The following STXBP3 variants were observed in gnomAD, a reference collection of about 807,000 sequenced individuals.
STXBP3 encodes syntaxin binding protein 3.
In STXBP3, 41 loss-of-function variants were observed where a neutral mutation model predicts 85.7. That is an observed-to-expected ratio of 0.48 (90% CI 0.37 to 0.62). The LOEUF is 0.62. Ranked by LOEUF, STXBP3 falls within the 20% of genes least tolerant of loss-of-function variation. STXBP3 has a pLI of 0.00. For missense variants in STXBP3, 563 were observed against 703.1 expected, an observed-to-expected ratio of 0.80 and a Z score of 2.25; for synonymous variants, 229 against 231.7, an observed-to-expected ratio of 0.99 and a Z score of 0.10.
At chr1:108,807,063 C>T (rs1404062349) in intron 17 of STXBP3, among the ~76,000 whole-genome samples, 1 of 152,026 alleles carries the variant, frequency 6.6e-6, no homozygotes, top group East Asian at 1.9e-4. Context: ...ACCAGCGTGG[C>T]CAACATGGTG....
intron 17 of STXBP3, among the ~76,000 whole-genome samples, chr1:108,802,180 T>A (rs1011831857): frequency 6.6e-6 from 1 of 152,024 alleles, no homozygotes; most frequent in Admixed American, 6.5e-5. Flanking sequence ...GCAGATCACT[T>A]GAGGTCAGGA....
Position 108,782,404 on chromosome 1 carries a change from G to A in STXBP3, c.810-18G>A. The A allele has an allele frequency of 6.4e-7, 1 of 1,559,256 alleles. No individual in the cohort carries two copies. The highest frequency in any genetic ancestry group is 1.4e-5 in the African/African-American group (1 of 72,752). On this transcript the variant is annotated intron_variant, in intron 9 of 18. Transcript: ENST00000370008. ...GGGAAAAAAATCAAAAAGTTTTAGT[G>A]CTTCTGTCTACTTGTAGATATAAAA...
At position 108,764,251 on chromosome 1, in the gene STXBP3, C is replaced by CAT. The variant is rs201101626; in HGVS notation, c.438+4176_438+4177dup. On this transcript the variant is annotated intron_variant, in intron 6 of 18. Coordinates refer to ENST00000370008, the MANE Select transcript of STXBP3 (RefSeq NM_007269.4). ...TATGGCTGCTTAGTATTCTATGGTA[C>CAT]ATATATATATAGAGAGAGATACCAC... is the stretch of plus-strand genomic sequence containing the variant. 5.9e-3 allele frequency among the ~76,000 whole-genome samples: 890 copies of CAT among 152,110 alleles called. 4 individuals are homozygous for CAT. The highest frequency in any genetic ancestry group is 0.011 in the Admixed American group (162 of 15,272).
In STXBP3 at chr1:108,782,472, A is replaced by T; in HGVS notation, c.860A>T (p.Asp287Val). The change falls in exon 10 of 19, where the codon GAC becomes GTC. Residue 287 changes from aspartate (D) to valine (V), a missense_variant. By Grantham distance (152) the Asp-to-Val change is radical. Transcript: ENST00000370008. Reference sequence around the variant, plus strand: ...GAGGCCATCCTTGAAGAAGAAGATGACCTCTGGGTTAGAATTCGACATCGA... The same window carrying T: ...GAGGCCATCCTTGAAGAAGAAGATGTCCTCTGGGTTAGAATTCGACATCGA... ...EKEAILEEED[D>V]LWVRIRHRHI... The T allele has an allele frequency of 6.2e-7, 1 of 1,613,790 alleles. No individual in the cohort carries two copies. The highest frequency in any genetic ancestry group is 8.5e-7 in the Non-Finnish European group (1 of 1,179,870).
At chr1:108,780,998 C>T (rs12131095) in intron 9 of STXBP3, 57,583 of 151,684 alleles carry the variant, frequency 0.38, 11,343 homozygotes, top group Middle Eastern at 0.48. Flanking sequence ...GAACTCCTGG[C>T]CTCACATGAT....
chr1:108,762,780 G>A (rs1316589390), intron 6 of STXBP3, among the ~76,000 whole-genome samples: 2 of 152,144 alleles, frequency 1.3e-5, no homozygotes, highest in Non-Finnish European at 2.9e-5. Flanking sequence ...TATAATGAAT[G>A]TGACACTGCT....
Position 108,777,754 on chromosome 1 carries a change from A to G in STXBP3, c.684+1331A>G, listed in dbSNP as rs529876346. Reference sequence around the variant, plus strand: ...TTATTCAGGGACACCTGATAAAGTGATAAAGTGTCACCTTATTTTTGAAGC... The same window carrying G: ...TTATTCAGGGACACCTGATAAAGTGGTAAAGTGTCACCTTATTTTTGAAGC... On this transcript the variant is annotated intron_variant, in intron 8 of 18. Coordinates refer to ENST00000370008, the MANE Select transcript of STXBP3 (RefSeq NM_007269.4). 3.9e-5 allele frequency among the ~76,000 whole-genome samples: 6 copies of G among 152,308 alleles called. 1 individual carries two copies. The South Asian group carries it at 6.2e-4, about 16-fold the overall frequency.
chr1:108,766,946 T>G, intron 6 of STXBP3: 3 of 535,012 alleles, frequency 5.6e-6, no homozygotes, highest in South Asian at 2.8e-5. Context: ...GTGGCACTAT[T>G]CCAATTTTAT....
intron 3 of STXBP3, among the ~76,000 whole-genome samples, chr1:108,754,218 T>G (rs1174287434): frequency 6.6e-6 from 1 of 151,992 alleles, no homozygotes; most frequent in African/African-American, 2.4e-5. Context: ...TTTTCTTGGA[T>G]AGAAACAGGG....
Position 108,782,437 on chromosome 1 carries a change from A to T in STXBP3, c.825A>T (p.Gly275=). Residue 275 remains glycine, a synonymous_variant, in exon 10 of 19, where the codon GGA becomes GGT. Transcript: ENST00000370008. The stretch of plus-strand genomic sequence containing the variant: ...CTACTTGTAGATATAAAACAGATGG[A>T]AAAGAAAAGGAGGCCATCCTTGAAG... ...ENDTYKYKTD[G]KEKEAILEEE... 1 of 1,612,892 alleles carries T rather than the reference A, an allele frequency of 6.2e-7. No homozygotes were observed. The highest frequency in any genetic ancestry group is 8.5e-7 in the Non-Finnish European group (1 of 1,179,560).
Position 108,770,378 on chromosome 1 carries a change from C to T in STXBP3, c.439-2287C>T, listed in dbSNP as rs140918818. Among the ~76,000 whole-genome samples, 676 of 152,196 alleles carry T rather than the reference C, an allele frequency of 4.4e-3. 16 individuals carry two copies. The highest frequency in any genetic ancestry group is 0.037 in the Admixed American group (569 of 15,278). On this transcript the variant is annotated intron_variant, in intron 6 of 18. Transcript: ENST00000370008. ...GTGGGAGGGAGAAGCCTTGGGCGGC[C>T]GTGCGATAAATGTTTTTAATCGAAT...
intron 8 of STXBP3, 43 bp downstream of exon 8, chr1:108,776,466 C>T: frequency 6.9e-7 from 1 of 1,449,182 alleles, no homozygotes; most frequent in Non-Finnish European, 9.4e-7. Flanking sequence ...TAAAGTCTGT[C>T]TTATTTCTTT....
chr1:108,753,080 A>C lies in STXBP3; in HGVS notation c.117A>C (p.Glu39Asp), dbSNP rs1025932626. ...GTTTTAAGATAATGCTTTTAGATGA[A>C]TTTACCACTAAGCTTTTGGCATCGT... ...EGEWKIMLLDEFTTKLLASCC... is the reference protein window; with the variant it reads ...EGEWKIMLLDDFTTKLLASCC... The change falls in exon 3 of 19, where the codon GAA (glutamate) becomes GAC (aspartate). Residue 39 changes from glutamate (E) to aspartate (D), a missense_variant. By Grantham distance (45) the Glu-to-Asp change is conservative. This residue lies in a region of STXBP3 where 32 missense variants were observed against 70.6 expected (regional missense o/e 0.45). Transcript: ENST00000370008. 21 of 1,581,120 alleles carry C rather than the reference A, an allele frequency of 1.3e-5. No homozygotes were observed. The highest frequency in any genetic ancestry group is 1.9e-5 in the Admixed American group (1 of 53,688).
chr1:108,753,148 AGT>A lies in STXBP3; in HGVS notation c.181+7_181+8del. On this transcript the variant is annotated splice_donor_5th_base_variant and intron_variant, in intron 3 of 18. Coordinates refer to ENST00000370008, the MANE Select transcript of STXBP3 (RefSeq NM_007269.4). ...CTTCTAGAAGAAGGTATTACTGGTA[AGT>A]GTTATTCTTGGCATGAACACTTTTT... 1 of 1,554,068 alleles carries A rather than the reference AGT, an allele frequency of 6.4e-7. No homozygotes were observed. Among genetic ancestry groups the A allele is most frequent in the South Asian group, 1.2e-5 (1 of 80,830 alleles).
chr1:108,752,361 A>G, intron 2 of STXBP3, 55 bp downstream of exon 2: 3 of 1,519,768 alleles, frequency 2.0e-6, no homozygotes, highest in Admixed American at 1.8e-5. Flanking sequence ...TAAAAACAAT[A>G]CAGTATAAAA....
intron 6 of STXBP3, among the ~76,000 whole-genome samples, chr1:108,765,570 A>ATTTTTTTTTTTTTTT (rs35813823): frequency 1.5e-5 from 1 of 67,168 alleles, no homozygotes; most frequent in Non-Finnish European, 3.1e-5. Context: ...CCACATGCTA[A>ATTTTTTTTTTTTTTT]TTTTTTTTTT....
Position 108,760,032 on chromosome 1 carries a change from T to G in STXBP3, c.385T>G (p.Ser129Ala), listed in dbSNP as rs569967760. The change falls in exon 6 of 19, where the codon TCA (serine) becomes GCA (alanine). Residue 129 changes from serine to alanine, a missense_variant. Ser to Ala is a moderately conservative substitution (Grantham distance 99). This residue lies in a region of STXBP3 where 494 missense variants were observed against 592.8 expected (regional missense o/e 0.83). Transcript: ENST00000370008. ...FNKIKASCSKSIRRCKEINIS... is the reference protein window; with the variant it reads ...FNKIKASCSKAIRRCKEINIS... The stretch of plus-strand genomic sequence containing the variant: ...CAAAATTAAGGCTTCTTGCTCCAAG[T>G]CAATAAGAAGATGTAAAGAAATAAA... The G allele has an allele frequency of 6.3e-7, 1 of 1,576,680 alleles. No homozygotes were observed. Among genetic ancestry groups the G allele is most frequent in the South Asian group, 1.2e-5 (1 of 83,084 alleles).
intron 17 of STXBP3, among the ~76,000 whole-genome samples, chr1:108,806,767 A>G (rs2101140700): frequency 6.6e-6 from 1 of 151,970 alleles, no homozygotes; most frequent in East Asian, 1.9e-4. Context: ...ATTTTTTTTT[A>G]ATTTCAAGAA....
At chr1:108,793,977 G>C (rs1178389197) in intron 12 of STXBP3, among the ~76,000 whole-genome samples, 1 of 152,152 alleles carries the variant, frequency 6.6e-6, no homozygotes. Context: ...TAAAGTAATA[G>C]TTACTTACTA....
Sources: allele counts gnomAD v4.1 joint callset (sites outside exome capture counted in the v4.1 genomes callset), GRCh38; gene constraint gnomAD v4.1.1; regional missense constraint gnomAD v4.1.1; transcripts MANE v1.5; gene names NCBI Gene and HGNC (gene_info 2026-07-23, HGNC 2026-07-21).